P2RX6: variants seen among roughly 807,000 people sequenced by gnomAD.
P2RX6 encodes P2X purinoceptor 6.
P2RX6 carries 62 observed loss-of-function variants against 54.2 expected under a neutral mutation model. The ratio of observed to expected loss-of-function variants is 1.14; its 90% CI spans 0.93 to 1.41. The LOEUF (loss-of-function observed/expected upper bound fraction) is 1.41, where lower values mean the gene tolerates loss of function less well. P2RX6 is among the 40% of genes most tolerant of loss of function. P2RX6 has a pLI of 0.00. For missense variants in P2RX6, 541 were observed against 566.3 expected, an observed-to-expected ratio of 0.96 and a Z score of 0.45; for synonymous variants, 211 against 231.9, an observed-to-expected ratio of 0.91 and a Z score of 0.82.
intron 9 of P2RX6, 35 bp from the exon 10 acceptor site, chr22:21,025,976 C>T (rs141486634): frequency 2.5e-5 from 40 of 1,596,440 alleles, no homozygotes; most frequent in Middle Eastern, 1.7e-4. Context: ...GGCTGACAGT[C>T]GTGGGCTGAG....
intron 3 of P2RX6, among the ~76,000 whole-genome samples, chr22:21,022,330 T>TAC (rs1927548383): frequency 6.6e-6 from 1 of 152,222 alleles, no homozygotes; most frequent in South Asian, 2.1e-4. Context: ...GCCATGATCA[T>TAC]ACCACTGCAC....
Position 21,026,085 on chromosome 22 carries a change from G to C in P2RX6, c.1050+9G>C, listed in dbSNP as rs753131678. On this transcript the variant is annotated intron_variant, in intron 10 of 11. Coordinates refer to ENST00000413302, the MANE Select transcript of P2RX6 (RefSeq NM_005446.5). This position sits in a 1 kb window ranked among gnomAD's most constrained non-coding sequence, Gnocchi z 4.0. ...CAGCTTGGCTGGGCGTGGTGAGTGCGAGCACTGTGGGCACCTGCAGGCTGC... is the reference window on the plus strand; with the variant it reads ...CAGCTTGGCTGGGCGTGGTGAGTGCCAGCACTGTGGGCACCTGCAGGCTGC... 6 of 1,607,138 alleles carry C rather than the reference G, an allele frequency of 3.7e-6. No homozygotes were observed. The highest frequency in any genetic ancestry group is 5.1e-6 in the Non-Finnish European group (6 of 1,177,486).
intron 2 of P2RX6, among the ~76,000 whole-genome samples, chr22:21,016,957 C>T (rs1188410649): frequency 3.9e-5 from 6 of 152,166 alleles, no homozygotes; most frequent in Non-Finnish European, 7.3e-5. Flanking sequence ...GCCTCTGTGA[C>T]GCCCACTAGT....
At position 21,023,503 on chromosome 22, in the gene P2RX6, G is replaced by A. The variant is rs1569178271; in HGVS notation, c.781-6G>A. 6.2e-7 allele frequency: 1 copy of A among 1,613,778 alleles called. No homozygotes were observed. Among genetic ancestry groups the A allele is most frequent in the East Asian group, 2.2e-5 (1 of 44,874 alleles). ...CACCGGTGGAAAAGCTATGTGCTAT[G>A]TGCAGGGTGGCTCTGTAGGCATCAG... On this transcript the variant is annotated splice_polypyrimidine_tract_variant and splice_region_variant and intron_variant, in intron 7 of 11. Transcript: ENST00000413302.
At position 21,023,632 on chromosome 22, in the gene P2RX6, G is replaced by T. The variant is rs375419863; in HGVS notation, c.890+14G>T. On this transcript the variant is annotated intron_variant, in intron 8 of 11. Transcript: ENST00000413302. ...CTACAACTTCAGGTGAGGCCCCACT[G>T]CTCCCAGTGCCCAGCTGCTGGGCCC... 3.2e-6 allele frequency: 5 copies of T among 1,554,166 alleles called. No homozygotes were observed. In the African/African-American group the frequency reaches 4.1e-5, roughly 13 times the overall value.
chr22:21,016,854 G>T (rs149553098), intron 2 of P2RX6, among the ~76,000 whole-genome samples: 1 of 152,172 alleles, frequency 6.6e-6, no homozygotes, highest in East Asian at 1.9e-4. Context: ...GATGCCCAGG[G>T]TGTATTCCCA....
rs1171682784 is a variant in P2RX6, at chr22:21,026,321, T to C, written c.1120T>C (p.Tyr374His). 1 of 1,605,250 alleles carries C rather than the reference T, an allele frequency of 6.2e-7. No homozygotes were observed. Among genetic ancestry groups the C allele is most frequent in the Admixed American group, 1.7e-5 (1 of 58,548 alleles). The change falls in exon 11 of 12, where the codon TAT becomes CAT. Residue 374 changes from tyrosine (Y) to histidine (H), a missense_variant. By Grantham distance (83) the Tyr-to-His change is moderately conservative (BLOSUM62 2). Transcript: ENST00000413302. The surrounding 1 kb of genome is among the most constrained non-coding windows in gnomAD (Gnocchi z 4.0). ...AGCCCATTTCTACTGGAGGACAAAG[T>C]ATGAGGAGGTGAGCTGAGGTCGCTC... ...REAHFYWRTK[Y>H]EEAKAPKATA...
At chr22:21,019,302 T>C (rs1207041244) in intron 3 of P2RX6, among the ~76,000 whole-genome samples, 1 of 151,836 alleles carries the variant, frequency 6.6e-6, no homozygotes, top group Non-Finnish European at 1.5e-5. Context: ...GCACAAAGGA[T>C]TGCTTACTCT....
At chr22:21,023,087 G>T in intron 5 of P2RX6, 31 bp from the exon 6 acceptor site, 1 of 1,612,884 alleles carries the variant, frequency 6.2e-7, no homozygotes, top group South Asian at 1.1e-5. Context: ...CCCAGGCCTG[G>T]CAGAGGCTGT....
intron 2 of P2RX6, among the ~76,000 whole-genome samples, chr22:21,016,576 G>C (rs1201312822): frequency 2.3e-5 from 3 of 131,846 alleles, no homozygotes; most frequent in African/African-American, 8.6e-5. Flanking sequence ...GTGGCAAAGC[G>C]AGACTCTGTC....
chr22:21,017,465 G>A (rs1241511206), intron 2 of P2RX6, among the ~76,000 whole-genome samples: 1 of 152,230 alleles, frequency 6.6e-6, no homozygotes, highest in Non-Finnish European at 1.5e-5. Context: ...CTGTGTGTGA[G>A]ATGGGAGACT....
intron 3 of P2RX6, among the ~76,000 whole-genome samples, chr22:21,020,579 CTT>C (rs371860947): frequency 0.01 from 1,378 of 132,532 alleles, 30 homozygotes; most frequent in African/African-American, 0.03. Context: ...TGAGCAGAAT[CTT>C]TTTTTTTTTT....
At chr22:21,016,723 A>G (rs1299247485) in intron 2 of P2RX6, among the ~76,000 whole-genome samples, 1 of 151,906 alleles carries the variant, frequency 6.6e-6, no homozygotes, top group Non-Finnish European at 1.5e-5. Flanking sequence ...ACTTCCCTGT[A>G]GCCCTGCTCC....
chr22:21,015,821 C>A (rs79084705), intron 1 of P2RX6, 121 bp from the exon 2 acceptor site: 9,975 of 980,632 alleles, frequency 0.01, 259 homozygotes, highest in African/African-American at 0.088. Context: ...GGAGGTGGGG[C>A]CTTCGATGTT....
chr22:21,026,484 G>T lies in P2RX6; in HGVS notation c.1193G>T (p.Arg398Leu). The change falls in exon 12 of 12, where the codon CGA becomes CTA. Residue 398 changes from arginine to leucine, a missense_variant. Transcript: ENST00000413302. This position sits in a 1 kb window ranked among gnomAD's most constrained non-coding sequence, Gnocchi z 4.0. ...GAGCTGGCCCTTGCATCCCAAGCCC[G>T]ACTGGCCGAGTGCCTCAGACGGAGC... ...WRELALASQA[R>L]LAECLRRSSA... 2 of 1,600,200 alleles carry T rather than the reference G, an allele frequency of 1.2e-6. No individual in the cohort carries two copies. Among genetic ancestry groups the T allele is most frequent in the South Asian group, 1.1e-5 (1 of 88,110 alleles).
At chr22:21,017,865 CA>C in intron 2 of P2RX6, 123 bp from the exon 3 acceptor site, 2 of 719,844 alleles carry the variant, frequency 2.8e-6, no homozygotes, top group African/African-American at 1.7e-5. Context: ...GTCTGCCTTA[CA>C]GGGGGACAGG....
chr22:21,026,264 T>A lies in P2RX6; in HGVS notation c.1063T>A (p.Cys355Ser). ...CTGCCTCTCCCAGGTCACCTTTTTC[T>A]GTGACCTGCTACTGCTGTATGTGGA... Reference protein sequence around the residue: ...AAWLGVVTFFCDLLLLYVDRE... With the variant: ...AAWLGVVTFFSDLLLLYVDRE... Residue 355 changes from cysteine to serine, a missense_variant, in exon 11 of 12, where the codon TGT becomes AGT. Around this residue, in one of 2 missense-constraint regions of P2RX6, gnomAD observed 526 missense variants for 531.5 expected, o/e 0.99. Coordinates refer to ENST00000413302, the MANE Select transcript of P2RX6 (RefSeq NM_005446.5). The surrounding 1 kb of genome is among the most constrained non-coding windows in gnomAD (Gnocchi z 4.0). The A allele has an allele frequency of 6.2e-7, 1 of 1,600,420 alleles. No homozygotes were observed. Among genetic ancestry groups the A allele is most frequent in the South Asian group, 1.1e-5 (1 of 88,384 alleles).
In P2RX6 at chr22:21,027,881, AGGT is replaced by A. The variant is rs914944923; in HGVS notation, c.*1267_*1269del. 6.6e-6 allele frequency: 1 copy of A among 152,332 alleles called. No homozygotes were observed. Among genetic ancestry groups the A allele is most frequent in the African/African-American group, 2.4e-5 (1 of 41,556 alleles). 9.4% of individuals were successfully genotyped at this position (152,332 alleles called of 1,614,324 possible). A position where few individuals can be genotyped will look rare whatever the true frequency, so the allele number is the denominator to read the frequency against. ...TGGGGAGGTGGGCTCTGAAGGGCGA[AGGT>A]GGGAGAGCAGGGCCCCTGAGGCCTG... is the stretch of plus-strand genomic sequence containing the variant. On this transcript the variant is annotated 3_prime_UTR_variant, in exon 12 of 12. Coordinates refer to ENST00000413302, the MANE Select transcript of P2RX6 (RefSeq NM_005446.5).
At chr22:21,015,385 G>A (rs746157694) in intron 1 of P2RX6, 47 bp downstream of exon 1, 17 of 1,519,140 alleles carry the variant, frequency 1.1e-5, no homozygotes, top group East Asian at 5.1e-5. Flanking sequence ...AAGGGAAGAG[G>A]TGGGGGGTGG....
Sources: allele counts gnomAD v4.1 joint callset (sites outside exome capture counted in the v4.1 genomes callset), GRCh38; gene constraint gnomAD v4.1.1; regional missense constraint gnomAD v4.1.1; non-coding constraint Gnocchi (gnomAD v3.1); transcripts MANE v1.5; gene names NCBI Gene and HGNC (gene_info 2026-07-23, HGNC 2026-07-21).